CSRNP3: variants seen among roughly 807,000 people sequenced by gnomAD.
The protein encoded by CSRNP3 is cysteine/serine-rich nuclear protein 3.
CSRNP3 carries 12 observed loss-of-function variants against 48.0 expected under a neutral mutation model. That is an observed-to-expected ratio of 0.25 (90% CI 0.16 to 0.41). The LOEUF (loss-of-function observed/expected upper bound fraction) is 0.41, where lower values mean the gene tolerates loss of function less well. Ranked by LOEUF, CSRNP3 falls within the 10% of genes least tolerant of loss-of-function variation. The pLI is 1.00. For missense variants in CSRNP3, 580 were observed against 724.4 expected (o/e 0.80, Z 2.29); for synonymous variants, 263 against 269.7 (o/e 0.98, Z 0.24).
intron 4 of CSRNP3, among the ~76,000 whole-genome samples, chr2:165,623,193 G>A (rs1229091323): frequency 6.6e-6 from 1 of 152,054 alleles, no homozygotes; most frequent in Non-Finnish European, 1.5e-5. Context: ...TTAAAGCAGG[G>A]GTGCCCAACC....
chr2:165,567,486 C>G (rs1394646652), intron 3 of CSRNP3, among the ~76,000 whole-genome samples: 2 of 151,984 alleles, frequency 1.3e-5, no homozygotes, highest in East Asian at 3.9e-4. Context: ...TAGAGCTATC[C>G]CTACCACTTA....
intron 3 of CSRNP3, among the ~76,000 whole-genome samples, chr2:165,520,788 T>TACATATATATATATATATTATATAC (rs769836505): frequency 1.1e-4 from 1 of 9,318 alleles, no homozygotes; most frequent in African/African-American, 6.6e-4. Flanking sequence ...ATATATTATA[T>TACATATATATATATATATTATATAC]ATATATATAT....
At chr2:165,527,525 A>G (rs1403577062) in intron 3 of CSRNP3, among the ~76,000 whole-genome samples, 2 of 152,148 alleles carry the variant, frequency 1.3e-5, no homozygotes, top group African/African-American at 4.8e-5. Context: ...CTCTTAAATG[A>G]TGTATGTGCA....
chr2:165,492,646 A>G (rs900664059), intron 1 of CSRNP3, among the ~76,000 whole-genome samples: 5 of 149,018 alleles, frequency 3.4e-5, no homozygotes, highest in African/African-American at 5.0e-5. Flanking sequence ...TGATGTTTAT[A>G]TATTTAATTT....
intron 1 of CSRNP3, among the ~76,000 whole-genome samples, chr2:165,481,224 C>T (rs535753140): frequency 6.6e-6 from 1 of 152,198 alleles, no homozygotes; most frequent in South Asian, 2.1e-4. Flanking sequence ...GGAGAAACTG[C>T]AGGTATAAAA....
intron 3 of CSRNP3, among the ~76,000 whole-genome samples, chr2:165,538,154 C>CAACA (rs1373586833): frequency 6.6e-6 from 1 of 151,940 alleles, no homozygotes; most frequent in Non-Finnish European, 1.5e-5. Context: ...ATTCATCCCA[C>CAACA]AACACAGGAA....
At chr2:165,584,214 C>T (rs1173317243) in intron 3 of CSRNP3, among the ~76,000 whole-genome samples, 1 of 152,166 alleles carries the variant, frequency 6.6e-6, no homozygotes, top group East Asian at 1.9e-4. Flanking sequence ...ATTTAGTAAA[C>T]ATTATCAATC....
chr2:165,568,627 T>A (rs1685328386), intron 3 of CSRNP3, among the ~76,000 whole-genome samples: 1 of 152,032 alleles, frequency 6.6e-6, no homozygotes, highest in African/African-American at 2.4e-5. Context: ...CAGGGTTTAT[T>A]AGGACCTAGA....
intron 4 of CSRNP3, among the ~76,000 whole-genome samples, chr2:165,608,817 G>A (rs1009785689): frequency 6.6e-6 from 1 of 150,842 alleles, no homozygotes; most frequent in Non-Finnish European, 1.5e-5. Flanking sequence ...CTGGCCAGGT[G>A]CAGTGGCTCA....
At chr2:165,483,585 C>T (rs1684076260) in intron 1 of CSRNP3, among the ~76,000 whole-genome samples, 1 of 152,146 alleles carries the variant, frequency 6.6e-6, no homozygotes, top group Non-Finnish European at 1.5e-5. Flanking sequence ...TTCTATGTCT[C>T]AATCAGTTCT....
intron 3 of CSRNP3, among the ~76,000 whole-genome samples, chr2:165,562,041 T>C (rs115522137): frequency 1.1e-3 from 174 of 152,310 alleles, no homozygotes; most frequent in African/African-American, 4.1e-3. Context: ...AAAGCTTTTG[T>C]TGACAGAAGT....
At chr2:165,492,926 A>C (rs1312517558) in intron 1 of CSRNP3, among the ~76,000 whole-genome samples, 5 of 146,332 alleles carry the variant, frequency 3.4e-5, no homozygotes, top group Admixed American at 3.4e-4. Flanking sequence ...GATGATACTC[A>C]AATTCCCTAA....
intron 2 of CSRNP3, among the ~76,000 whole-genome samples, chr2:165,500,568 C>T (rs947372985): frequency 6.6e-6 from 1 of 151,794 alleles, no homozygotes; most frequent in Non-Finnish European, 1.5e-5. Flanking sequence ...AGTGATTCTC[C>T]TGCCTCAGCC....
chr2:165,493,380 A>C (rs567388345), intron 1 of CSRNP3, among the ~76,000 whole-genome samples: 2 of 152,220 alleles, frequency 1.3e-5, no homozygotes, highest in Middle Eastern at 3.4e-3. Context: ...ATCTCTAGTC[A>C]AGAGGGTTTC....
At chr2:165,673,035 A>G (rs1470078415) in intron 5 of CSRNP3, among the ~76,000 whole-genome samples, 1 of 151,658 alleles carries the variant, frequency 6.6e-6, no homozygotes, top group Non-Finnish European at 1.5e-5. Flanking sequence ...ATGAAGACAA[A>G]ACCCTGCCAG....
chr2:165,684,579 C>A lies in CSRNP3; in HGVS notation c.*4826C>A, dbSNP rs1259733597. The stretch of plus-strand genomic sequence containing the variant: ...AAGGCTTGATTACTCTATATTAGGT[C>A]TAATATGAATTTTCACCTTCTGATT... On this transcript the variant is annotated 3_prime_UTR_variant, in exon 7 of 7. Transcript: ENST00000651982. The A allele has an allele frequency of 6.6e-6, 1 of 151,370 alleles. No individual in the cohort carries two copies. Among genetic ancestry groups the A allele is most frequent in the Non-Finnish European group, 1.5e-5 (1 of 67,794 alleles). The allele number at this position is 151,370 out of a possible 1,614,324, so 9.4% of individuals were successfully genotyped here.
intron 5 of CSRNP3, among the ~76,000 whole-genome samples, chr2:165,674,680 G>C (rs1369827206): frequency 1.5e-4 from 8 of 52,686 alleles, no homozygotes; most frequent in African/African-American, 1.2e-3. Context: ...AAATACTTCT[G>C]AATATATATA....
intron 3 of CSRNP3, among the ~76,000 whole-genome samples, chr2:165,546,586 C>A (rs751052497): frequency 4.6e-5 from 7 of 152,168 alleles, no homozygotes; most frequent in African/African-American, 7.2e-5. Flanking sequence ...TAAACAATTT[C>A]TTCACCACAT....
At chr2:165,596,813 C>T (rs908915797) in intron 4 of CSRNP3, among the ~76,000 whole-genome samples, 4 of 152,138 alleles carry the variant, frequency 2.6e-5, no homozygotes, top group African/African-American at 9.7e-5. Flanking sequence ...CATGAAAAAA[C>T]GTTGTAAAAT....
Sources: gnomAD v4.1 joint callset for allele counts (sites outside exome capture counted in the v4.1 genomes callset) on GRCh38, gnomAD v4.1.1 for gene constraint, MANE v1.5 for transcripts, NCBI Gene and HGNC (gene_info 2026-07-23, HGNC 2026-07-21) for gene names.